SLCO3A1: variants seen among roughly 807,000 people sequenced by gnomAD.
The protein encoded by SLCO3A1 is solute carrier organic anion transporter family member 3A1, also known as PGE1 transporter.
Under a neutral mutation model 63.1 loss-of-function variants are expected in SLCO3A1, and 27 were observed. That is an observed-to-expected ratio of 0.43 (90% CI 0.32 to 0.59). The LOEUF (loss-of-function observed/expected upper bound fraction) is 0.59, where lower values mean the gene tolerates loss of function less well. SLCO3A1 is among the 20% of genes least tolerant of loss of function. The pLI is 0.09. For missense variants in SLCO3A1, 773 were observed against 945.8 expected (o/e 0.82, Z 2.40); for synonymous variants, 473 against 409.9 (o/e 1.15, Z -1.86).
intron 1 of SLCO3A1, among the ~76,000 whole-genome samples, chr15:91,909,910 C>T (rs1321757094): frequency 6.6e-6 from 1 of 152,228 alleles, no homozygotes; most frequent in East Asian, 1.9e-4. Flanking sequence ...TCCTCTCTCC[C>T]CAGCACTGTG....
chr15:91,907,206 T>TTTTTCTGTTG (rs1898334913), intron 1 of SLCO3A1, among the ~76,000 whole-genome samples: 1 of 152,026 alleles, frequency 6.6e-6, no homozygotes, highest in Non-Finnish European at 1.5e-5. Context: ...GAGGCCTTTC[T>TTTTTCTGTTG]TTTTCTGTTG....
In SLCO3A1 at chr15:91,968,631, G is replaced by A. The variant is rs1278124545; in HGVS notation, c.646+52173G>A. 6.6e-6 allele frequency among the ~76,000 whole-genome samples: 1 copy of A among 152,170 alleles called. No individual in the cohort carries two copies. The highest frequency in any genetic ancestry group is 2.4e-5 in the African/African-American group (1 of 41,434). ...GCCAGGGTAGAAACAAGCGACCCCT[G>A]CTTCCATGTGAAGCTTCATTCCCCA... On this transcript the variant is annotated intron_variant, in intron 2 of 9. Transcript: ENST00000318445. This position sits in a 1 kb window ranked among gnomAD's most constrained non-coding sequence, Gnocchi z 4.2.
intron 2 of SLCO3A1, among the ~76,000 whole-genome samples, chr15:92,043,613 G>A (rs898043560): frequency 6.6e-6 from 1 of 152,338 alleles, no homozygotes; most frequent in East Asian, 1.9e-4. Context: ...TCCATGCATA[G>A]ACAAGTTTTA....
At chr15:92,152,083 C>CTGATAAAATGGAAA (rs1596150437) in intron 9 of SLCO3A1, among the ~76,000 whole-genome samples, 1 of 152,150 alleles carries the variant, frequency 6.6e-6, no homozygotes, top group East Asian at 1.9e-4. Flanking sequence ...ATAACTTTTG[C>CTGATAAAATGGAAA]AATATTTTTC....
rs1015446988 is a variant in SLCO3A1, at chr15:92,165,138, C to T, written c.*2003C>T. The T allele has an allele frequency of 4.1e-6, 4 of 985,308 alleles. No individual in the cohort carries two copies. The highest frequency in any genetic ancestry group is 4.8e-6 in the Non-Finnish European group (4 of 829,938). 61.0% of individuals were successfully genotyped at this position (985,308 alleles called of 1,614,324 possible). On this transcript the variant is annotated 3_prime_UTR_variant, in exon 10 of 10. Coordinates refer to ENST00000318445, the MANE Select transcript of SLCO3A1 (RefSeq NM_013272.4). ...ACAGCCCAAATCTAGAGAAGGCACTCAGCAAGACCAACCAAAAGAAAAGCT... is the reference window on the plus strand; with the variant it reads ...ACAGCCCAAATCTAGAGAAGGCACTTAGCAAGACCAACCAAAAGAAAAGCT...
At chr15:92,027,674 T>C (rs11074031) in intron 2 of SLCO3A1, among the ~76,000 whole-genome samples, 96,145 of 152,170 alleles carry the variant, frequency 0.63, 30,984 homozygotes, top group African/African-American at 0.75. Context: ...AGACTGTGCC[T>C]TTTGCTTTGT....
In SLCO3A1 at chr15:92,164,086, CTCTAATACTATTTTTAACTACTTCTAAAA is replaced by C. The variant is rs2048472989; in HGVS notation, c.*955_*983del. 1.0e-6 allele frequency: 1 copy of C among 980,412 alleles called. No individual in the cohort carries two copies. 60.7% of individuals were successfully genotyped at this position (980,412 alleles called of 1,614,324 possible). ...ATTTCAAACTGTTGTATGTATAATC[CTCTAATACTATTTTTAACTACTTCTAAAA>C]TCTGTGTTAACCCTTCAAGTCACTA... On this transcript the variant is annotated 3_prime_UTR_variant, in exon 10 of 10. Transcript: ENST00000318445.
At chr15:91,870,136 C>T (rs1487507618) in intron 1 of SLCO3A1, among the ~76,000 whole-genome samples, 1 of 152,120 alleles carries the variant, frequency 6.6e-6, no homozygotes, top group Non-Finnish European at 1.5e-5. Context: ...GGACGTTCGT[C>T]TAGTCTATAT....
intron 2 of SLCO3A1, among the ~76,000 whole-genome samples, chr15:91,934,374 G>T (rs1185744119): frequency 6.6e-6 from 1 of 152,134 alleles, no homozygotes; most frequent in Non-Finnish European, 1.5e-5. Context: ...TGCATTCTTG[G>T]CATACCCAGC....
chr15:91,943,758 C>T (rs562103626), intron 2 of SLCO3A1, among the ~76,000 whole-genome samples: 1 of 152,194 alleles, frequency 6.6e-6, no homozygotes. Context: ...CCAGAGGACA[C>T]AGAATGGCCT....
At chr15:91,921,790 C>T (rs960412860) in intron 2 of SLCO3A1, among the ~76,000 whole-genome samples, 6 of 151,702 alleles carry the variant, frequency 4.0e-5, no homozygotes, top group African/African-American at 1.5e-4. Context: ...AGCACAGTGG[C>T]GCCATCTTGG....
At chr15:91,909,252 C>T (rs1385312276) in intron 1 of SLCO3A1, among the ~76,000 whole-genome samples, 2 of 152,158 alleles carry the variant, frequency 1.3e-5, no homozygotes, top group African/African-American at 2.4e-5. Flanking sequence ...GTTTGGCATT[C>T]TACATGTGGC....
rs1478475499 is a variant in SLCO3A1 at position 91,882,765 on chromosome 15, G to T, written c.180+28677G>T. Among the ~76,000 whole-genome samples, 1 of 152,126 alleles carries T rather than the reference G, an allele frequency of 6.6e-6. No homozygotes were observed. The highest frequency in any genetic ancestry group is 1.5e-5 in the Non-Finnish European group (1 of 68,020). On this transcript the variant is annotated intron_variant, in intron 1 of 9. Coordinates refer to ENST00000318445, the MANE Select transcript of SLCO3A1 (RefSeq NM_013272.4). The surrounding 1 kb of genome is among the most constrained non-coding windows in gnomAD (Gnocchi z 4.4). Reference sequence around the variant, plus strand: ...TCGAACTCCTGACCTCAGGTCATCTGCCCATCTCGGCCTTCCAAAGTGCTG... The same window carrying T: ...TCGAACTCCTGACCTCAGGTCATCTTCCCATCTCGGCCTTCCAAAGTGCTG...
intron 2 of SLCO3A1, among the ~76,000 whole-genome samples, chr15:91,971,273 T>G (rs1457870568): frequency 6.6e-6 from 1 of 151,384 alleles, no homozygotes; most frequent in Non-Finnish European, 1.5e-5. Context: ...CAGGTGCCTG[T>G]AGTCCCAGCT....
At chr15:91,981,061 G>A (rs1034187288) in intron 2 of SLCO3A1, among the ~76,000 whole-genome samples, 1 of 152,196 alleles carries the variant, frequency 6.6e-6, no homozygotes, top group Admixed American at 6.5e-5. Context: ...TTCAGGAAGT[G>A]GCATGAGCAA....
chr15:92,026,662 G>A (rs140740793), intron 2 of SLCO3A1, among the ~76,000 whole-genome samples: 1 of 152,168 alleles, frequency 6.6e-6, no homozygotes, highest in African/African-American at 2.4e-5. Flanking sequence ...AAAAAGCTAT[G>A]CAGGACAAGG....
intron 7 of SLCO3A1, among the ~76,000 whole-genome samples, chr15:92,146,758 AAC>A (rs146634452): frequency 1.5e-3 from 232 of 152,290 alleles, no homozygotes; most frequent in African/African-American, 5.3e-3. Flanking sequence ...ATGGAAATGA[AAC>A]ACACAAGAGA....
At chr15:91,935,849 G>C (rs1425228393) in intron 2 of SLCO3A1, among the ~76,000 whole-genome samples, 1 of 152,098 alleles carries the variant, frequency 6.6e-6, no homozygotes, top group Non-Finnish European at 1.5e-5. Context: ...AATCTCAGTG[G>C]GGTCTTTCAG....
chr15:92,115,750 C>T (rs1351616850), intron 4 of SLCO3A1, among the ~76,000 whole-genome samples: 3 of 143,470 alleles, frequency 2.1e-5, no homozygotes, highest in East Asian at 4.2e-4. Flanking sequence ...CCTCTTTCAG[C>T]TCTACAATTC....
Sources: allele counts gnomAD v4.1 joint callset (sites outside exome capture counted in the v4.1 genomes callset), GRCh38; gene constraint gnomAD v4.1.1; non-coding constraint Gnocchi (gnomAD v3.1); transcripts MANE v1.5; gene names NCBI Gene and HGNC (gene_info 2026-07-23, HGNC 2026-07-21).